The following RSBN1L variants were observed in gnomAD, a reference collection of about 807,000 sequenced individuals.
RSBN1L encodes round spermatid basic protein 1 like.
RSBN1L carries 30 observed loss-of-function variants against 67.7 expected under a neutral mutation model. The ratio of observed to expected loss-of-function variants is 0.44; its 90% CI spans 0.33 to 0.60. RSBN1L has a LOEUF of 0.60. Among genes scored for constraint, RSBN1L ranks in the 20% least tolerant of loss-of-function variants. The pLI is 0.02. For missense variants in RSBN1L, 992 were observed against 1,031.7 expected, an observed-to-expected ratio of 0.96 and a Z score of 0.53; for synonymous variants, 433 against 387.0, an observed-to-expected ratio of 1.12 and a Z score of -1.39.
intron 1 of RSBN1L, among the ~76,000 whole-genome samples, chr7:77,725,090 C>T (rs767515456): frequency 1.3e-4 from 19 of 149,096 alleles, no homozygotes; most frequent in Non-Finnish European, 2.2e-4. Flanking sequence ...GTGATCCACC[C>T]GCCTTGGCTT....
intron 3 of RSBN1L, among the ~76,000 whole-genome samples, chr7:77,760,027 A>G (rs1791678894): frequency 6.6e-6 from 1 of 152,130 alleles, no homozygotes; most frequent in South Asian, 2.1e-4. Flanking sequence ...TTAAAAAATT[A>G]CTTGTTATTA....
chr7:77,763,535 AC>A (rs1225779592), intron 3 of RSBN1L, among the ~76,000 whole-genome samples: 1 of 152,154 alleles, frequency 6.6e-6, no homozygotes, highest in African/African-American at 2.4e-5. Context: ...TGAATTTCTT[AC>A]TGTGCTGCTA....
At chr7:77,739,737 G>GTTT (rs1562801652) in intron 2 of RSBN1L, among the ~76,000 whole-genome samples, 1 of 61,192 alleles carries the variant, frequency 1.6e-5, no homozygotes, top group Non-Finnish European at 2.9e-5. Flanking sequence ...AAAAAAATGT[G>GTTT]TCTTTTTTTT....
intron 5 of RSBN1L, among the ~76,000 whole-genome samples, chr7:77,772,116 G>C (rs1049640839): frequency 1.3e-5 from 2 of 152,086 alleles, no homozygotes; most frequent in Non-Finnish European, 2.9e-5. Context: ...GTTTCCAGAG[G>C]AAGCAACACC....
intron 1 of RSBN1L, among the ~76,000 whole-genome samples, chr7:77,735,805 A>G (rs920040951): frequency 1.3e-5 from 2 of 152,160 alleles, no homozygotes; most frequent in African/African-American, 2.4e-5. Flanking sequence ...ATGCAAATGA[A>G]TGATCCCTAG....
chr7:77,737,914 G>A (rs1222495583), intron 2 of RSBN1L, among the ~76,000 whole-genome samples: 1 of 151,846 alleles, frequency 6.6e-6, no homozygotes, highest in Non-Finnish European at 1.5e-5. Flanking sequence ...CCCAGCTACT[G>A]GGGAGGCTGA....
At position 77,745,905 on chromosome 7, in the gene RSBN1L, A is replaced by G. The variant is rs373421359; in HGVS notation, c.704-3519A>G. On this transcript the variant is annotated intron_variant, in intron 2 of 7. Coordinates refer to ENST00000334955, the MANE Select transcript of RSBN1L (RefSeq NM_198467.3). ...TCTCCATAAGGAGCAGGCAACCTAG[A>G]TTCCTCACATGCATGGTTCATAATA... 9.2e-5 allele frequency among the ~76,000 whole-genome samples: 14 copies of G among 152,324 alleles called. No individual in the cohort carries two copies. In the East Asian group the frequency reaches 1.3e-3, roughly 15 times the overall value.
chr7:77,776,961 T>G (rs1282121534), intron 6 of RSBN1L, among the ~76,000 whole-genome samples: 1 of 151,888 alleles, frequency 6.6e-6, no homozygotes, highest in Non-Finnish European at 1.5e-5. Flanking sequence ...CCAATTTGCT[T>G]CTTTATTCTT....
chr7:77,697,721 T>TC (rs947735238), intron 1 of RSBN1L, among the ~76,000 whole-genome samples: 3 of 152,216 alleles, frequency 2.0e-5, no homozygotes, highest in Non-Finnish European at 4.4e-5. Flanking sequence ...ATTCTTTTTT[T>TC]CCCTGCAGCA....
intron 5 of RSBN1L, among the ~76,000 whole-genome samples, chr7:77,772,389 T>C (rs1331665883): frequency 6.6e-6 from 1 of 152,198 alleles, no homozygotes; most frequent in Non-Finnish European, 1.5e-5. Flanking sequence ...GATGACTCTC[T>C]GCCAAAGAAA....
At chr7:77,745,097 A>G (rs1033067682) in intron 2 of RSBN1L, among the ~76,000 whole-genome samples, 22 of 152,116 alleles carry the variant, frequency 1.4e-4, no homozygotes, top group African/African-American at 4.3e-4. Context: ...CCCTGTCTCT[A>G]CTAAAAATAC....
chr7:77,766,864 T>G (rs1791771965), intron 4 of RSBN1L, among the ~76,000 whole-genome samples: 1 of 152,222 alleles, frequency 6.6e-6, no homozygotes, highest in African/African-American at 2.4e-5. Flanking sequence ...TTTTTGTTCC[T>G]TTTCTACTTC....
At chr7:77,769,387 A>G (rs1487332869) in intron 5 of RSBN1L, among the ~76,000 whole-genome samples, 1 of 152,244 alleles carries the variant, frequency 6.6e-6, no homozygotes, top group Non-Finnish European at 1.5e-5. Flanking sequence ...AACTTAATAT[A>G]TGAGATAGGT....
At chr7:77,758,831 A>C (rs1791659114) in intron 3 of RSBN1L, among the ~76,000 whole-genome samples, 1 of 152,212 alleles carries the variant, frequency 6.6e-6, no homozygotes, top group Non-Finnish European at 1.5e-5. Flanking sequence ...TTTCTCTGTC[A>C]AGAAATAAAT....
Position 77,736,443 on chromosome 7 carries a change from A to C in RSBN1L, c.620A>C (p.Lys207Thr), listed in dbSNP as rs1414336920. ...AAAGACAAAATTAAAGAGAGAGACA[A>C]AGAAAAAGAAAGAGAAAAAAAGAAA... ...KIKDKIKERD[K>T]EKEREKKKHK... The change falls in exon 2 of 8, where the codon AAA becomes ACA. Residue 207 changes from lysine to threonine, a missense_variant. Around this residue, in one of 7 missense-constraint regions of RSBN1L, gnomAD observed 575 missense variants for 483.2 expected, o/e 1.19. Transcript: ENST00000334955. 3 of 1,116,764 alleles carry C rather than the reference A, an allele frequency of 2.7e-6. No homozygotes were observed. The African/African-American group carries it at 4.9e-5, about 18-fold the overall frequency. 69.2% of individuals were successfully genotyped at this position (1,116,764 alleles called of 1,614,324 possible).
At chr7:77,763,723 C>T (rs1167806143) in intron 3 of RSBN1L, among the ~76,000 whole-genome samples, 3 of 152,142 alleles carry the variant, frequency 2.0e-5, no homozygotes, top group African/African-American at 4.8e-5. Flanking sequence ...GACAGGATCT[C>T]GCTCTGTTGC....
chr7:77,719,766 TA>T (rs1350124458), intron 1 of RSBN1L, among the ~76,000 whole-genome samples: 4 of 152,190 alleles, frequency 2.6e-5, no homozygotes, highest in African/African-American at 9.7e-5. Context: ...TATATGTATT[TA>T]AAAAAATTTT....
At chr7:77,721,287 A>G (rs1791116289) in intron 1 of RSBN1L, among the ~76,000 whole-genome samples, 1 of 151,934 alleles carries the variant, frequency 6.6e-6, no homozygotes, top group African/African-American at 2.4e-5. Flanking sequence ...ATGCTTATCA[A>G]TAGTAATTTC....
At chr7:77,775,293 T>C (rs1217048694) in intron 6 of RSBN1L, among the ~76,000 whole-genome samples, 1 of 152,080 alleles carries the variant, frequency 6.6e-6, no homozygotes, top group African/African-American at 2.4e-5. Context: ...CCAGCACTTT[T>C]GGAGGCCGAG....
Sources: gnomAD v4.1 joint callset for allele counts (sites outside exome capture counted in the v4.1 genomes callset) on GRCh38, gnomAD v4.1.1 for gene constraint, gnomAD v4.1.1 regional missense constraint, MANE v1.5 for transcripts, NCBI Gene and HGNC (gene_info 2026-07-23, HGNC 2026-07-21) for gene names.